The following MECR variants were observed in gnomAD, a reference collection of about 807,000 sequenced individuals.
MECR encodes the protein enoyl-[acyl-carrier-protein] reductase, mitochondrial.
A neutral mutation model predicts 49.1 loss-of-function variants in MECR; 37 were observed. The ratio of observed to expected loss-of-function variants is 0.75; its 90% CI spans 0.58 to 0.99. The LOEUF is 0.99. MECR is among the 50% of genes least tolerant of loss of function. The pLI is 0.00. For missense variants in MECR, 470 were observed against 479.6 expected (o/e 0.98, Z 0.19); for synonymous variants, 198 against 191.1 (o/e 1.04, Z -0.30).
chr1:29,228,858 T>C (rs1175643321), intron 1 of MECR: 1 of 152,172 alleles, frequency 6.6e-6, no homozygotes, highest in Non-Finnish European at 1.5e-5. Context: ...TAGATTTAGA[T>C]TGAACTAACA....
chr1:29,167,773 A>G, the MECR span, among the ~76,000 whole-genome samples: 5 of 152,250 alleles, frequency 3.3e-5, no homozygotes, highest in East Asian at 3.8e-4. Context: ...ACGAAGGCTA[A>G]TATCTGTTGG....
chr1:29,228,232 A>AATAT (rs987318305), intron 1 of MECR, among the ~76,000 whole-genome samples: 5 of 151,356 alleles, frequency 3.3e-5, no homozygotes, highest in African/African-American at 1.2e-4. Context: ...TAAATAAATA[A>AATAT]ATATATATAT....
intron 1 of MECR, among the ~76,000 whole-genome samples, chr1:29,220,228 TA>T (rs63347560): frequency 4.0e-4 from 56 of 140,304 alleles, no homozygotes; most frequent in East Asian, 6.4e-4. Flanking sequence ...CCGTCTCTAC[TA>T]AAAAAAAAAA....
the MECR span, among the ~76,000 whole-genome samples, chr1:29,173,647 C>A: frequency 1.3e-5 from 2 of 148,472 alleles, no homozygotes; most frequent in Non-Finnish European, 3.0e-5. Context: ...CGGGGTTTCA[C>A]CATGCTGGCC....
chr1:29,216,017 T>C lies in MECR; in HGVS notation c.394A>G (p.Asn132Asp), dbSNP rs1400839168. The C allele has an allele frequency of 1.2e-6, 2 of 1,613,998 alleles. No homozygotes were observed. The highest frequency in any genetic ancestry group is 1.7e-6 in the Non-Finnish European group (2 of 1,179,982). ...LKPGDWVIPA[N>D]AGLGTWRTEA... ...TGGAGAAACTCACCTAAACCAGCAT[T>C]TGCTGGAATCACCCAGTCTCCTGGC... The change falls in exon 3 of 10, where the codon AAT becomes GAT. Residue 132 changes from asparagine (N) to aspartate (D), a missense_variant. Coordinates refer to ENST00000263702, the MANE Select transcript of MECR (RefSeq NM_016011.5).
At chr1:29,206,686 T>G in intron 4 of MECR, 76 bp downstream of exon 4, 1 of 1,550,322 alleles carries the variant, frequency 6.5e-7, no homozygotes, top group Non-Finnish European at 8.8e-7. Context: ...CAAGTTCTCC[T>G]GGCCTTGGGG....
chr1:29,197,237 G>C (rs1293269002), intron 7 of MECR, among the ~76,000 whole-genome samples: 2 of 152,182 alleles, frequency 1.3e-5, no homozygotes, highest in Non-Finnish European at 2.9e-5. Flanking sequence ...CCTTGGCTCT[G>C]CTCTCACTTA....
intron 3 of MECR, among the ~76,000 whole-genome samples, chr1:29,215,608 G>T (rs1274074346): frequency 6.6e-6 from 1 of 151,384 alleles, no homozygotes; most frequent in African/African-American, 2.4e-5. Context: ...TGGTGGCTCA[G>T]GCCTGCAGTC....
intron 6 of MECR, 118 bp from the exon 7 acceptor site, chr1:29,200,707 C>T (rs966372086): frequency 3.9e-6 from 3 of 765,176 alleles, no homozygotes; most frequent in East Asian, 2.7e-5. Context: ...CCTTTGTTTG[C>T]GTGCACGTAC....
chr1:29,180,053 T>C, the MECR span, among the ~76,000 whole-genome samples: 48 of 152,364 alleles, frequency 3.2e-4, no homozygotes, highest in African/African-American at 1.2e-3. Context: ...AGCTGCCACT[T>C]ACTGCCTAAG....
At chr1:29,180,286 G>C in the MECR span, among the ~76,000 whole-genome samples, 1 of 151,994 alleles carries the variant, frequency 6.6e-6, no homozygotes, top group African/African-American at 2.4e-5. Flanking sequence ...TATATGGTAT[G>C]TATACAATAA....
chr1:29,191,403 A>G (rs968043833), downstream of MECR, among the ~76,000 whole-genome samples: 1 of 152,130 alleles, frequency 6.6e-6, no homozygotes, highest in Non-Finnish European at 1.5e-5. Context: ...TCCCAGGTTC[A>G]AGTGACTGTC....
the MECR span, among the ~76,000 whole-genome samples, chr1:29,184,482 G>C: frequency 5.3e-5 from 8 of 152,258 alleles, no homozygotes; most frequent in Admixed American, 1.3e-4. Context: ...GGCTGGGTGC[G>C]GTGGTTCACG....
chr1:29,208,889 C>T (rs2151878311), intron 3 of MECR, among the ~76,000 whole-genome samples: 1 of 152,334 alleles, frequency 6.6e-6, no homozygotes, highest in East Asian at 1.9e-4. Context: ...GGATACTTCT[C>T]TGAGGAGGTG....
intron 9 of MECR, among the ~76,000 whole-genome samples, chr1:29,195,193 C>T (rs12738007): frequency 0.32 from 49,352 of 152,024 alleles, 9,959 homozygotes; most frequent in Non-Finnish European, 0.44. Flanking sequence ...GCCTCTGTAA[C>T]CTGGTCACAA....
At chr1:29,211,310 C>T (rs1229913249) in intron 3 of MECR, among the ~76,000 whole-genome samples, 2 of 152,232 alleles carry the variant, frequency 1.3e-5, no homozygotes, top group African/African-American at 2.4e-5. Flanking sequence ...CTCAAGCGAT[C>T]TGCCCGCCTT....
Position 29,225,354 on chromosome 1 carries a change from T to C in MECR, c.176+5377A>G, listed in dbSNP as rs144838494. On this transcript the variant is annotated intron_variant, in intron 1 of 9. Coordinates refer to ENST00000263702, the MANE Select transcript of MECR (RefSeq NM_016011.5). ...GACATTTCCCCACTTTCTCTCCTCA[T>C]ACACTGCTCACCGGATCTCTGGAGC... Among the ~76,000 whole-genome samples the C allele has an allele frequency of 9.6e-3, 1,460 of 152,126 alleles. 7 individuals carry two copies. Among genetic ancestry groups the C allele is most frequent in the Middle Eastern group, 0.017 (5 of 294 alleles).
the MECR span, among the ~76,000 whole-genome samples, chr1:29,175,012 GAGAC>G: frequency 2.0e-5 from 3 of 149,872 alleles, no homozygotes; most frequent in Admixed American, 1.3e-4. Context: ...GAAAAGAAGA[GAGAC>G]AGAGTGCGTG....
At chr1:29,175,275 T>C in the MECR span, among the ~76,000 whole-genome samples, 1 of 150,566 alleles carries the variant, frequency 6.6e-6, no homozygotes, top group South Asian at 2.1e-4. Context: ...TAGCCGGGGG[T>C]GGTGGTGCAC....
Sources: allele counts gnomAD v4.1 joint callset (sites outside exome capture counted in the v4.1 genomes callset), GRCh38; gene constraint gnomAD v4.1.1; transcripts MANE v1.5; gene names NCBI Gene and HGNC (gene_info 2026-07-23, HGNC 2026-07-21).